Variants in NUP155 observed in about 807,000 individuals in gnomAD.
NUP155 encodes the protein nuclear pore complex protein Nup155.
Under a neutral mutation model 180.4 loss-of-function variants are expected in NUP155, and 71 were observed. That is an observed-to-expected ratio of 0.39 (90% confidence interval 0.33 to 0.48). NUP155 has a LOEUF of 0.48. NUP155 is among the 20% of genes least tolerant of loss of function. The pLI is 0.91. For synonymous variants in NUP155, 582 were observed against 559.5 expected (o/e 1.04, Z -0.57); for missense variants, 1,553 against 1,648.9 (o/e 0.94, Z 1.01).
intron 4 of NUP155, among the ~76,000 whole-genome samples, 175 bp downstream of exon 4, chr5:37,357,906 C>G (rs574465099): frequency 6.6e-6 from 1 of 152,038 alleles, no homozygotes; most frequent in Non-Finnish European, 1.5e-5. Context: ...GGCAGGAGAA[C>G]TGCTTGAACC....
At chr5:37,345,433 G>A (rs1320946134) in intron 9 of NUP155, among the ~76,000 whole-genome samples, 7 of 151,058 alleles carry the variant, frequency 4.6e-5, no homozygotes, top group Non-Finnish European at 8.8e-5. Flanking sequence ...CCTTGAGCCT[G>A]GGAGGAGGAG....
At chr5:37,367,495 G>A (rs989978046) in intron 1 of NUP155, among the ~76,000 whole-genome samples, 3 of 150,666 alleles carry the variant, frequency 2.0e-5, no homozygotes, top group Non-Finnish European at 4.4e-5. Context: ...GATTACAGGA[G>A]TAAACCACCG....
intron 2 of NUP155, 42 bp downstream of exon 2, chr5:37,364,205 C>A (rs776841396): frequency 1.4e-6 from 2 of 1,459,306 alleles, no homozygotes; most frequent in Admixed American, 1.7e-5. Flanking sequence ...TGAAAAATAC[C>A]AATTTTAACA....
At chr5:37,311,867 A>C (rs901174530) in intron 22 of NUP155, among the ~76,000 whole-genome samples, 1 of 152,074 alleles carries the variant, frequency 6.6e-6, no homozygotes, top group Non-Finnish European at 1.5e-5. Flanking sequence ...CTAAAACTAC[A>C]AAAATCAGCC....
chr5:37,289,452 C>G lies in NUP155; in HGVS notation c.*2448G>C, dbSNP rs1373675489. 1 of 152,246 alleles carries G rather than the reference C, an allele frequency of 6.6e-6. No homozygotes were observed. The highest frequency in any genetic ancestry group is 2.4e-5 in the African/African-American group (1 of 41,472). The allele number at this position is 152,246 out of a possible 1,614,324, so 9.4% of individuals were successfully genotyped here. The stretch of plus-strand genomic sequence containing the variant: ...GATGGAACTCAAGAATCTGTCATAA[C>G]AGGCTATCCGGCTGATTGTTCTGAA... On this transcript the variant is annotated 3_prime_UTR_variant, in exon 35 of 35. Coordinates refer to ENST00000231498, the MANE Select transcript of NUP155 (RefSeq NM_153485.3).
At chr5:37,360,803 C>A (rs545027412) in intron 3 of NUP155, among the ~76,000 whole-genome samples, 1 of 149,668 alleles carries the variant, frequency 6.7e-6, no homozygotes, top group African/African-American at 2.5e-5. Context: ...GGGGTCCAGG[C>A]GCAGTGGCTT....
rs1561769200 is a variant in NUP155, at chr5:37,303,257, T to C, written c.3317+3A>G. On this transcript the variant is annotated splice_donor_region_variant and intron_variant, in intron 28 of 34. Transcript: ENST00000231498. ...TCTTCACAATAAGAATATTATGCCA[T>C]ACCTATGCATGTCAGCCAGTCTGGA... 2 of 1,613,964 alleles carry C rather than the reference T, an allele frequency of 1.2e-6. No homozygotes were observed. Among genetic ancestry groups the C allele is most frequent in the Non-Finnish European group, 1.7e-6 (2 of 1,179,834 alleles).
intron 3 of NUP155, among the ~76,000 whole-genome samples, chr5:37,359,926 T>C (rs890985708): frequency 1.6e-4 from 25 of 152,160 alleles, no homozygotes; most frequent in Non-Finnish European, 1.5e-5. Flanking sequence ...AAGACCAGCC[T>C]GGCCAACACA....
intron 9 of NUP155, among the ~76,000 whole-genome samples, chr5:37,345,368 T>G (rs1216660661): frequency 2.6e-5 from 4 of 151,830 alleles, no homozygotes; most frequent in Admixed American, 2.0e-4. Flanking sequence ...ATTAGCCAGA[T>G]GTGGTGGCGC....
At chr5:37,331,418 T>C (rs1744955372) in intron 14 of NUP155, among the ~76,000 whole-genome samples, 1 of 151,728 alleles carries the variant, frequency 6.6e-6, no homozygotes, top group Non-Finnish European at 1.5e-5. Context: ...CTACTAAAAA[T>C]ACAAAATTAG....
chr5:37,324,281 T>C lies in NUP155; in HGVS notation c.2092-174A>G, dbSNP rs376088373. 1.1e-4 allele frequency among the ~76,000 whole-genome samples: 17 copies of C among 152,340 alleles called. No homozygotes were observed. In the East Asian group the frequency reaches 3.3e-3, roughly 29 times the overall value. On this transcript the variant is annotated intron_variant, in intron 19 of 34. Transcript: ENST00000231498. Reference sequence around the variant, plus strand: ...CTTCCTCTCCTGCCAGTAACACTGATGCATAACTAACATACAATAAAATAC... The same window carrying C: ...CTTCCTCTCCTGCCAGTAACACTGACGCATAACTAACATACAATAAAATAC...
intron 22 of NUP155, among the ~76,000 whole-genome samples, chr5:37,311,436 G>A (rs1202769386): frequency 6.6e-6 from 1 of 151,356 alleles, no homozygotes; most frequent in Non-Finnish European, 1.5e-5. Context: ...ATTCTACTTG[G>A]TATGAAAAAG....
At chr5:37,297,621 C>A (rs899416763) in intron 32 of NUP155, among the ~76,000 whole-genome samples, 3 of 152,006 alleles carry the variant, frequency 2.0e-5, no homozygotes, top group Non-Finnish European at 4.4e-5. Flanking sequence ...CTCAAGCGAT[C>A]CATCCGCCTC....
At position 37,310,758 on chromosome 5, in the gene NUP155, C is replaced by T. The variant is rs773342401; in HGVS notation, c.2437-15G>A. 24 of 1,597,510 alleles carry T rather than the reference C, an allele frequency of 1.5e-5. No homozygotes were observed. Among genetic ancestry groups the T allele is most frequent in the African/African-American group, 2.7e-5 (2 of 74,652 alleles). On this transcript the variant is annotated splice_polypyrimidine_tract_variant and intron_variant, in intron 22 of 34. Transcript: ENST00000231498. The stretch of plus-strand genomic sequence containing the variant: ...TCTTGAAGTTCCTAGGAGCATAAAA[C>T]TTTTCTATCACAATTATAGAAATAC...
intron 23 of NUP155, among the ~76,000 whole-genome samples, chr5:37,309,733 T>C (rs1743407651): frequency 6.6e-6 from 1 of 152,152 alleles, no homozygotes; most frequent in Non-Finnish European, 1.5e-5. Context: ...ACCTTTGGTT[T>C]TTTAATATGG....
intron 1 of NUP155, among the ~76,000 whole-genome samples, chr5:37,365,324 G>C (rs1364035873): frequency 6.6e-6 from 1 of 151,924 alleles, no homozygotes; most frequent in Admixed American, 6.6e-5. Flanking sequence ...TAACACAAAG[G>C]ATAAATGCTT....
intron 22 of NUP155, among the ~76,000 whole-genome samples, chr5:37,311,443 A>G (rs934984092): frequency 3.3e-5 from 5 of 151,262 alleles, no homozygotes; most frequent in African/African-American, 1.2e-4. Context: ...TTGGTATGAA[A>G]AAGATAAGTT....
intron 13 of NUP155, among the ~76,000 whole-genome samples, chr5:37,332,277 T>A (rs1017550219): frequency 2.0e-5 from 3 of 148,106 alleles, no homozygotes; most frequent in African/African-American, 7.5e-5. Flanking sequence ...TAATATTACG[T>A]TGGTACAAAA....
rs10059583 is a variant in NUP155 at position 37,361,285 on chromosome 5, A to G, written c.392+2603T>C. On this transcript the variant is annotated intron_variant, in intron 3 of 34. Transcript: ENST00000231498. ...TGTCTCAAAAAAAAAAAAAAAAAAA[A>G]GACAATGGCTGAACAGAAAAGGAGA... is the stretch of plus-strand genomic sequence containing the variant. 2.7e-4 allele frequency among the ~76,000 whole-genome samples: 38 copies of G among 141,532 alleles called. 2 individuals carry two copies. Among genetic ancestry groups the G allele is most frequent in the African/African-American group, 1.1e-3 (35 of 33,088 alleles). 92.9% of individuals were successfully genotyped at this position (141,532 alleles called of 152,430 possible).
Sources: allele counts gnomAD v4.1 joint callset (sites outside exome capture counted in the v4.1 genomes callset), GRCh38; gene constraint gnomAD v4.1.1; transcripts MANE v1.5; gene names NCBI Gene and HGNC (gene_info 2026-07-23, HGNC 2026-07-21).